The following GATD1 variants were observed in gnomAD, a reference collection of about 807,000 sequenced individuals.
GATD1 encodes glutamine amidotransferase class 1 domain containing 1.
Under a neutral mutation model 25.9 loss-of-function variants are expected in GATD1, and 23 were observed. That is an observed-to-expected ratio of 0.89 (90% confidence interval 0.64 to 1.26). The LOEUF (loss-of-function observed/expected upper bound fraction) is 1.26, where lower values mean the gene tolerates loss of function less well. GATD1 is among the 50% of genes most tolerant of loss of function. The probability of loss-of-function intolerance (pLI) is 0.00; values close to 1 mark genes in which losing one functional copy is unlikely to be tolerated. For missense variants in GATD1, 347 were observed against 312.5 expected (o/e 1.11, Z -0.83); for synonymous variants, 177 against 134.6 (o/e 1.31, Z -2.18).
intron 4 of GATD1, 171 bp downstream of exon 4, chr11:773,351 T>G: frequency 1.7e-6 from 1 of 600,302 alleles, no homozygotes; most frequent in Non-Finnish European, 2.9e-6. Context: ...TCTGTGTGTG[T>G]CGGGGGAAGG....
At position 767,423 on chromosome 11, in the gene GATD1, C is replaced by A. The variant is rs1336725641; in HGVS notation, c.*3474G>T. 3 of 1,515,092 alleles carry A rather than the reference C, an allele frequency of 2.0e-6. No homozygotes were observed. The highest frequency in any genetic ancestry group is 1.8e-6 in the Non-Finnish European group (2 of 1,136,946). The allele number at this position is 1,515,092 out of a possible 1,614,324, so 93.9% of individuals were successfully genotyped here. Reference sequence around the variant, plus strand: ...GCGGGGAGGCTCTCCAAGCCAGAGGCCTCGCACGCAGCTGAGGAATGACGC... The same window carrying A: ...GCGGGGAGGCTCTCCAAGCCAGAGGACTCGCACGCAGCTGAGGAATGACGC... On this transcript the variant is annotated 3_prime_UTR_variant, in exon 8 of 8. Coordinates refer to ENST00000319863, the MANE Select transcript of GATD1 (RefSeq NM_182612.4).
chr11:769,060 C>T lies in GATD1; in HGVS notation c.*1837G>A, dbSNP rs918255065. 3.5e-6 allele frequency: 3 copies of T among 868,008 alleles called. No individual in the cohort carries two copies. Among genetic ancestry groups the T allele is most frequent in the Non-Finnish European group, 4.1e-6 (3 of 723,202 alleles). The allele number at this position is 868,008 out of a possible 1,614,324, so 53.8% of individuals were successfully genotyped here. A position where few individuals can be genotyped will look rare whatever the true frequency, so the allele number is the denominator to read the frequency against. On this transcript the variant is annotated 3_prime_UTR_variant, in exon 8 of 8. Transcript: ENST00000319863. ...AGGTTGCAGTGAGCCAAGATTGTGC[C>T]ACTGCACTCCAGCCTGGGTGACGAG...
chr11:774,000 G>C lies in GATD1; in HGVS notation c.247+8C>G, dbSNP rs369848169. On this transcript the variant is annotated splice_region_variant and intron_variant, in intron 3 of 7. Coordinates refer to ENST00000319863, the MANE Select transcript of GATD1 (RefSeq NM_182612.4). ...ACCCCACCCCCAAGGAGTGGGTCCC[G>C]GGCCTACCATCGATGGACTCGAGCT... 5.0e-6 allele frequency: 8 copies of C among 1,612,754 alleles called. No individual in the cohort carries two copies. Among genetic ancestry groups the C allele is most frequent in the Non-Finnish European group, 6.8e-6 (8 of 1,179,462 alleles).
Position 777,442 on chromosome 11 carries a change from A to C in GATD1, c.21T>G (p.Pro7=). ...CCACGAGCAGACAGGCGGGCCTGTT[A>C]GGGAGCCGCTCGGACGCCATGGCTC... MASERL[P]NRPACLLVAS... The change falls in exon 1 of 8, where the codon CCT becomes CCG. Residue 7 remains proline, a synonymous_variant. Transcript: ENST00000319863. 1 of 1,259,898 alleles carries C rather than the reference A, an allele frequency of 7.9e-7. No homozygotes were observed. Among genetic ancestry groups the C allele is most frequent in the Non-Finnish European group, 1.0e-6 (1 of 1,002,372 alleles). The allele number at this position is 1,259,898 out of a possible 1,614,324, so 78.0% of individuals were successfully genotyped here. A position where few individuals can be genotyped will look rare whatever the true frequency, so the allele number is the denominator to read the frequency against.
rs1863203263 is a variant in GATD1, at chr11:768,804, T to A, written c.*2093A>T. The A allele has an allele frequency of 6.6e-6, 1 of 150,858 alleles. No homozygotes were observed. Among genetic ancestry groups the A allele is most frequent in the East Asian group, 2.0e-4 (1 of 5,094 alleles). 9.3% of individuals were successfully genotyped at this position (150,858 alleles called of 1,614,324 possible). On this transcript the variant is annotated 3_prime_UTR_variant, in exon 8 of 8. Transcript: ENST00000319863. ...CAACATGATGAAACCCCATCTCTAC[T>A]AAAAACAAAAATTACGCCGGGCGCA...
In GATD1 at chr11:772,433, C is replaced by T. The variant is rs1343112451; in HGVS notation, c.444G>A (p.Leu148=). 21 of 1,613,292 alleles carry T rather than the reference C, an allele frequency of 1.3e-5. No individual in the cohort carries two copies. The highest frequency in any genetic ancestry group is 1.8e-5 in the Non-Finnish European group (21 of 1,179,972). The change falls in exon 5 of 8, where the codon CTG becomes CTA. Residue 148 remains leucine, a synonymous_variant. Coordinates refer to ENST00000319863, the MANE Select transcript of GATD1 (RefSeq NM_182612.4). ...TCGGCCTCCAGACACTCACCCCTGT[C>T]AGGCTGTAGCTGTCGAACACCCAGG... is the stretch of plus-strand genomic sequence containing the variant. ...DRSWVFDSYS[L]TGPSVCELVR... is the part of the protein sequence containing the mutation.
chr11:771,663 C>T (rs556086925), intron 5 of GATD1, among the ~76,000 whole-genome samples: 1 of 152,298 alleles, frequency 6.6e-6, no homozygotes, highest in East Asian at 1.9e-4. Context: ...CGGGCCAGCT[C>T]CCCCAGCACC....
rs116850812 is a variant in GATD1, at chr11:769,130, T to C, written c.*1767A>G. ...AAATAAATAAAATAAAAAGCATTTG[T>C]CCACAGAGGTCCATCACCACACGGG... On this transcript the variant is annotated 3_prime_UTR_variant, in exon 8 of 8. Transcript: ENST00000319863. 1.0e-3 allele frequency: 1,012 copies of C among 984,814 alleles called. 4 individuals carry two copies. Among genetic ancestry groups the C allele is most frequent in the Non-Finnish European group, 6.6e-4 (544 of 829,534 alleles). The allele number at this position is 984,814 out of a possible 1,614,324, so 61.0% of individuals were successfully genotyped here.
At chr11:773,895 CAG>C in intron 3 of GATD1, 111 bp downstream of exon 3, 2 of 933,140 alleles carry the variant, frequency 2.1e-6, no homozygotes, top group South Asian at 1.5e-5. Flanking sequence ...CAAATGGTCA[CAG>C]GGCTTCAGGG....
Position 771,108 on chromosome 11 carries a change from G to T in GATD1, c.545-4C>A. Reference sequence around the variant, plus strand: ...TGGACAGCGTCAGGCTCGCTTGCTGGGGAGGACCGAGGGCACCAACCTCAG... The same window carrying T: ...TGGACAGCGTCAGGCTCGCTTGCTGTGGAGGACCGAGGGCACCAACCTCAG... On this transcript the variant is annotated splice_region_variant and splice_polypyrimidine_tract_variant and intron_variant, in intron 6 of 7. Coordinates refer to ENST00000319863, the MANE Select transcript of GATD1 (RefSeq NM_182612.4). 2 of 1,587,732 alleles carry T rather than the reference G, an allele frequency of 1.3e-6. No individual in the cohort carries two copies. The highest frequency in any genetic ancestry group is 1.7e-6 in the Non-Finnish European group (2 of 1,169,814).
At position 773,548 on chromosome 11, in the gene GATD1, A is replaced by T; in HGVS notation, c.329T>A (p.Ile110Asn). The change falls in exon 4 of 8, where the codon ATC becomes AAC. Residue 110 changes from isoleucine to asparagine, a missense_variant. Coordinates refer to ENST00000319863, the MANE Select transcript of GATD1 (RefSeq NM_182612.4). ...DLASSGSLAR[I>N]LQHFHSESKP... ...GCTCTCAGAGTGGAAGTGCTGCAGG[A>T]TACGGGCCAGGGAGCCACTGCTGGC... 1 of 1,610,892 alleles carries T rather than the reference A, an allele frequency of 6.2e-7. No individual in the cohort carries two copies. Among genetic ancestry groups the T allele is most frequent in the Non-Finnish European group, 8.5e-7 (1 of 1,179,230 alleles).
At chr11:771,125 C>A in intron 6 of GATD1, 21 bp from the exon 7 acceptor site, 1 of 1,566,376 alleles carries the variant, frequency 6.4e-7, no homozygotes, top group Non-Finnish European at 8.6e-7. Context: ...CCGAGGGCAC[C>A]AACCTCAGGC....
chr11:773,772 G>T, intron 3 of GATD1, 143 bp from the exon 4 acceptor site: 1 of 711,608 alleles, frequency 1.4e-6, no homozygotes, highest in Non-Finnish European at 2.4e-6. Context: ...TCCTCCATGG[G>T]CTACAGCTCC....
At chr11:773,485 C>T in intron 4 of GATD1, 37 bp downstream of exon 4, 2 of 1,538,208 alleles carry the variant, frequency 1.3e-6, no homozygotes. Flanking sequence ...TGACACTGCA[C>T]ATCCAACCCC....
intron 1 of GATD1, chr11:777,090 G>A: frequency 4.2e-6 from 1 of 236,402 alleles, no homozygotes; most frequent in Non-Finnish European, 8.2e-6. Context: ...AGAAACGTCG[G>A]GCCCGGGCCG....
In GATD1 at chr11:770,688, T is replaced by C; in HGVS notation, c.*209A>G. 1 of 1,427,540 alleles carries C rather than the reference T, an allele frequency of 7.0e-7. No homozygotes were observed. The highest frequency in any genetic ancestry group is 2.9e-5 in the Admixed American group (1 of 35,086). 88.4% of individuals were successfully genotyped at this position (1,427,540 alleles called of 1,614,324 possible). A position where few individuals can be genotyped will look rare whatever the true frequency, so the allele number is the denominator to read the frequency against. ...TTTCTCTGCCTCCTACCAGAGAACA[T>C]GCAGGAGGATGGGGGTTTGGACCCT... On this transcript the variant is annotated 3_prime_UTR_variant, in exon 8 of 8. Transcript: ENST00000319863.
At chr11:777,211 CCGT>C (rs1864084982) in intron 1 of GATD1, 185 bp downstream of exon 1, 7 of 247,438 alleles carry the variant, frequency 2.8e-5, no homozygotes, top group Admixed American at 5.6e-5. Flanking sequence ...ACCCCCGCCC[CCGT>C]CCCCGCCCCG....
chr11:776,528 C>A (rs1864000622), intron 1 of GATD1, among the ~76,000 whole-genome samples: 1 of 148,826 alleles, frequency 6.7e-6, no homozygotes, highest in Non-Finnish European at 1.5e-5. Context: ...CCACTCGAGG[C>A]TCCTCCCACC....
Position 770,696 on chromosome 11 carries a change from G to A in GATD1, c.*201C>T, listed in dbSNP as rs1285518495. 2 of 1,433,848 alleles carry A rather than the reference G, an allele frequency of 1.4e-6. No homozygotes were observed. The highest frequency in any genetic ancestry group is 1.4e-5 in the African/African-American group (1 of 69,940). The allele number at this position is 1,433,848 out of a possible 1,614,324, so 88.8% of individuals were successfully genotyped here. A position where few individuals can be genotyped will look rare whatever the true frequency, so the allele number is the denominator to read the frequency against. On this transcript the variant is annotated 3_prime_UTR_variant, in exon 8 of 8. Transcript: ENST00000319863. ...CCTCCTACCAGAGAACATGCAGGAG[G>A]ATGGGGGTTTGGACCCTCCAGGAGA...
Sources: gnomAD v4.1 joint callset for allele counts (sites outside exome capture counted in the v4.1 genomes callset) on GRCh38, gnomAD v4.1.1 for gene constraint, MANE v1.5 for transcripts, NCBI Gene and HGNC (gene_info 2026-07-23, HGNC 2026-07-21) for gene names.